Variants in SLFN12L observed in about 807,000 individuals in gnomAD.
SLFN12L encodes schlafen family member 12 like.
A neutral mutation model predicts 34.8 loss-of-function variants in SLFN12L; 34 were observed. The observed-to-expected ratio is 0.98, with a 90% confidence interval of 0.74 to 1.30. The LOEUF is 1.30. SLFN12L is among the 50% of genes most tolerant of loss of function. The pLI is 0.00. For synonymous variants in SLFN12L, 259 were observed against 247.5 expected (o/e 1.05, Z -0.44); for missense variants, 703 against 696.2 (o/e 1.01, Z -0.11).
chr17:35,522,167 T>C (rs1232686392), intron 2 of SLFN12L, 112 bp downstream of exon 2: 2 of 1,435,210 alleles, frequency 1.4e-6, no homozygotes, highest in Admixed American at 4.6e-5. Flanking sequence ...CTAAACACAG[T>C]TTGTTGTCAC....
At chr17:35,487,623 C>G (rs1914641106) in intron 2 of SLFN12L, 3 of 1,255,330 alleles carry the variant, frequency 2.4e-6, no homozygotes, top group Non-Finnish European at 3.3e-6. Flanking sequence ...TAAACGCCCA[C>G]GTGAATAGCT....
At chr17:35,486,711 G>A (rs557592765) in intron 2 of SLFN12L, among the ~76,000 whole-genome samples, 1 of 152,290 alleles carries the variant, frequency 6.6e-6, no homozygotes, top group Admixed American at 6.5e-5. Context: ...TGTTTCCACT[G>A]AAATCCTTTA....
At position 35,498,385 on chromosome 17, in the gene SLFN12L, T is replaced by C. The variant is rs567389237; in HGVS notation, c.87-18190A>G. ...CACAGAGAATCTCATTGTGCCGACATAGTGTCTGCAGTCCCTTGCCAGGCA... is the reference window on the plus strand; with the variant it reads ...CACAGAGAATCTCATTGTGCCGACACAGTGTCTGCAGTCCCTTGCCAGGCA... On this transcript the variant is annotated intron_variant, in intron 2 of 4. Coordinates refer to ENST00000628453, the MANE Select transcript of SLFN12L (RefSeq NM_001363830.2). 88 of 1,188,042 alleles carry C rather than the reference T, an allele frequency of 7.4e-5. No homozygotes were observed. The East Asian group carries it at 1.8e-3, about 25-fold the overall frequency. The allele number at this position is 1,188,042 out of a possible 1,614,324, so 73.6% of individuals were successfully genotyped here. A position where few individuals can be genotyped will look rare whatever the true frequency, so the allele number is the denominator to read the frequency against.
intron 1 of SLFN12L, among the ~76,000 whole-genome samples, chr17:35,527,070 T>C (rs1174392367): frequency 6.6e-6 from 1 of 152,102 alleles, no homozygotes; most frequent in East Asian, 1.9e-4. Context: ...CATCAGAGAA[T>C]ACTGTAAACA....
chr17:35,505,677 C>A (rs1186900243), intron 2 of SLFN12L, among the ~76,000 whole-genome samples: 8 of 152,280 alleles, frequency 5.3e-5, no homozygotes, highest in African/African-American at 1.7e-4. Flanking sequence ...TGGGACCAAT[C>A]TCCAAGACCA....
intron 2 of SLFN12L, among the ~76,000 whole-genome samples, chr17:35,486,411 G>A (rs8064795): frequency 9.9e-5 from 15 of 151,788 alleles, no homozygotes; most frequent in Admixed American, 3.3e-4. Flanking sequence ...AGGAGGGTAC[G>A]CATACCACTG....
intron 1 of SLFN12L, among the ~76,000 whole-genome samples, chr17:35,530,419 AAGGAAGGAAGGGAAGGGAAGGGAAG>A (rs2072385470): frequency 1.6e-4 from 3 of 18,468 alleles, no homozygotes; most frequent in African/African-American, 5.1e-4. Flanking sequence ...GGAAGGAAGG[AAGGAAGGAAGGGAAGGGAAGGGAAG>A]AAAGAAAGAA....
At chr17:35,527,414 A>G (rs113324971) in intron 1 of SLFN12L, among the ~76,000 whole-genome samples, 12 of 152,048 alleles carry the variant, frequency 7.9e-5, no homozygotes, top group South Asian at 4.1e-4. Context: ...CAAAAAAAAG[A>G]AAATTTTTTT....
intron 2 of SLFN12L, among the ~76,000 whole-genome samples, chr17:35,507,121 G>A (rs903242249): frequency 6.6e-6 from 1 of 152,172 alleles, no homozygotes; most frequent in Admixed American, 6.5e-5. Context: ...CGGCCAGTGG[G>A]CAGGTAGTTG....
intron 4 of SLFN12L, among the ~76,000 whole-genome samples, chr17:35,476,363 G>C (rs997679859): frequency 1.3e-5 from 2 of 151,932 alleles, no homozygotes; most frequent in African/African-American, 4.8e-5. Flanking sequence ...CAGTTTAGGA[G>C]GCCGAGGCAG....
intron 1 of SLFN12L, among the ~76,000 whole-genome samples, chr17:35,534,136 G>A (rs1217164386): frequency 1.3e-5 from 2 of 152,040 alleles, no homozygotes; most frequent in South Asian, 2.1e-4. Context: ...GCCCTGGTGG[G>A]CAGATCATGA....
intron 2 of SLFN12L, among the ~76,000 whole-genome samples, chr17:35,492,469 G>A (rs377178074): frequency 6.6e-5 from 10 of 152,146 alleles, no homozygotes; most frequent in South Asian, 2.1e-4. Flanking sequence ...GAGACCTCTC[G>A]GGAGAAAGAC....
intron 2 of SLFN12L, among the ~76,000 whole-genome samples, chr17:35,519,999 G>A (rs1296941932): frequency 6.6e-6 from 1 of 152,118 alleles, no homozygotes; most frequent in East Asian, 1.9e-4. Context: ...AACATCATAA[G>A]ACCGATGGAA....
At chr17:35,483,185 C>T (rs1354376680) in intron 2 of SLFN12L, among the ~76,000 whole-genome samples, 1 of 152,074 alleles carries the variant, frequency 6.6e-6, no homozygotes, top group Non-Finnish European at 1.5e-5. Context: ...AAGCTACCCT[C>T]CCCAGGGCCT....
intron 2 of SLFN12L, among the ~76,000 whole-genome samples, chr17:35,497,822 A>G (rs1417570713): frequency 6.6e-6 from 1 of 152,166 alleles, no homozygotes; most frequent in African/African-American, 2.4e-5. Context: ...ATTAAATTTG[A>G]TTGTCTTGTA....
At chr17:35,484,825 T>A (rs1008808809) in intron 2 of SLFN12L, among the ~76,000 whole-genome samples, 5 of 152,124 alleles carry the variant, frequency 3.3e-5, no homozygotes, top group African/African-American at 1.2e-4. Flanking sequence ...AAAAAAAAAA[T>A]TTACTCGGGT....
chr17:35,499,304 A>C (rs745927738), intron 2 of SLFN12L: 5 of 657,478 alleles, frequency 7.6e-6, no homozygotes, highest in Non-Finnish European at 1.1e-5. Flanking sequence ...AGCCAGACTA[A>C]TGCCATGTAA....
chr17:35,532,193 C>CCTAACA (rs1034204099), intron 1 of SLFN12L, among the ~76,000 whole-genome samples: 3 of 152,156 alleles, frequency 2.0e-5, no homozygotes, highest in South Asian at 2.1e-4. Flanking sequence ...CGCCTGTAAT[C>CCTAACA]CTTTGGGAGG....
At position 35,468,519 on chromosome 17, in the gene SLFN12L, T is replaced by A. The variant is rs186997179; in HGVS notation, c.*6404A>T. 3.0e-3 allele frequency among the ~76,000 whole-genome samples: 463 copies of A among 152,238 alleles called. 3 individuals are homozygous for A. The highest frequency in any genetic ancestry group is 0.011 in the African/African-American group (441 of 41,540). Reference sequence around the variant, plus strand: ...AAAACCTTCACCCCAGTGACACCCATGGACTGCCTCTTCTCAGGCACAAAC... The same window carrying A: ...AAAACCTTCACCCCAGTGACACCCAAGGACTGCCTCTTCTCAGGCACAAAC... On this transcript the variant is annotated 3_prime_UTR_variant, in exon 5 of 5. Transcript: ENST00000628453.
Sources: allele counts gnomAD v4.1 joint callset (sites outside exome capture counted in the v4.1 genomes callset), GRCh38; gene constraint gnomAD v4.1.1; transcripts MANE v1.5; gene names NCBI Gene and HGNC (gene_info 2026-07-23, HGNC 2026-07-21).